Variants in FOXD4 observed in about 807,000 individuals in gnomAD.
FOXD4 encodes forkhead box protein D4.
In FOXD4, 22 loss-of-function variants were observed where a neutral mutation model predicts 26.5. The observed-to-expected ratio is 0.83, with a 90% CI of 0.59 to 1.18. The LOEUF (loss-of-function observed/expected upper bound fraction) is 1.18, where lower values mean the gene tolerates loss of function less well. Among genes scored for constraint, FOXD4 ranks in the 50% most tolerant of loss-of-function variants. FOXD4 has a pLI of 0.00. For synonymous variants in FOXD4, 258 were observed against 273.7 expected (o/e 0.94, Z 0.57); for missense variants, 625 against 605.8 (o/e 1.03, Z -0.33).
In FOXD4 at chr9:118,113, A is replaced by G. The variant is rs776991627; in HGVS notation, c.7T>C (p.Leu3=). Residue 3 remains leucine, a synonymous_variant, in exon 1 of 1, where the codon TTG becomes CTG. Transcript: ENST00000382500. MN[L]PRAERLRSTP... is the part of the protein sequence containing the mutation. ...GAGCGAAGGCGCTCAGCTCTTGGCA[A>G]GTTCATGGCGGAGCAGGTGCTTCAG... 3.0e-5 allele frequency: 48 copies of G among 1,611,692 alleles called. No homozygotes were observed. Among genetic ancestry groups the G allele is most frequent in the Non-Finnish European group, 4.0e-5 (47 of 1,179,696 alleles).
Position 116,650 on chromosome 9 carries a change from A to C in FOXD4, c.*150T>G. On this transcript the variant is annotated 3_prime_UTR_variant, in exon 1 of 1. Coordinates refer to ENST00000382500, the MANE Select transcript of FOXD4 (RefSeq NM_207305.5). ...AAGGTTACGTTCAGGTGGTTTTTAG[A>C]GGAACGTAATCCAGCTGTTTCTTTC... 3 of 1,299,768 alleles carry C rather than the reference A, an allele frequency of 2.3e-6. No homozygotes were observed. Among genetic ancestry groups the C allele is most frequent in the Admixed American group, 2.3e-5 (1 of 43,208 alleles). The allele number at this position is 1,299,768 out of a possible 1,614,324, so 80.5% of individuals were successfully genotyped here.
rs767889814 is a variant in FOXD4, at chr9:116,787, C to T, written c.*13G>A. On this transcript the variant is annotated 3_prime_UTR_variant, in exon 1 of 1. Transcript: ENST00000382500. ...GTGAGCAGCTGCGGGTCGCTCCCCACTCCCACCTGGCTCTAGGAGGGCCCT... is the reference window on the plus strand; with the variant it reads ...GTGAGCAGCTGCGGGTCGCTCCCCATTCCCACCTGGCTCTAGGAGGGCCCT... The T allele has an allele frequency of 3.0e-5, 47 of 1,582,766 alleles. No individual in the cohort carries two copies. Among genetic ancestry groups the T allele is most frequent in the Non-Finnish European group, 3.7e-5 (43 of 1,164,764 alleles).
rs1819425890 is a variant in FOXD4 at position 118,142 on chromosome 9, C to CA, written c.-24dup. 1 of 1,609,114 alleles carries CA rather than the reference C, an allele frequency of 6.2e-7. No homozygotes were observed. The highest frequency in any genetic ancestry group is 1.3e-5 in the African/African-American group (1 of 74,166). ...CATGGCGGAGCAGGTGCTTCAGTCG[C>CA]AGGGGATGTGGCGGCCGGATCACCT... On this transcript the variant is annotated 5_prime_UTR_variant, in exon 1 of 1. Coordinates refer to ENST00000382500, the MANE Select transcript of FOXD4 (RefSeq NM_207305.5).
In FOXD4 at chr9:116,899, C is replaced by A; in HGVS notation, c.1221G>T (p.Leu407=). The A allele has an allele frequency of 6.2e-7, 1 of 1,610,862 alleles. No individual in the cohort carries two copies. Among genetic ancestry groups the A allele is most frequent in the Non-Finnish European group, 8.5e-7 (1 of 1,179,120 alleles). Reference sequence around the variant, plus strand: ...CGCCCAAAGGGGCGGCCAGCGATGTCAGCCCAGAGCCCTCTGCCACCGCCT... The same window carrying A: ...CGCCCAAAGGGGCGGCCAGCGATGTAAGCCCAGAGCCCTCTGCCACCGCCT... ...RYQAVAEGSG[L]TSLAAPLGGE... Residue 407 remains leucine (L), a synonymous_variant, in exon 1 of 1, where the codon CTG becomes CTT. Transcript: ENST00000382500.
chr9:117,817 C>A lies in FOXD4; in HGVS notation c.303G>T (p.Gln101His), dbSNP rs1388743659. The A allele has an allele frequency of 6.2e-7, 1 of 1,612,862 alleles. No individual in the cohort carries two copies. Among genetic ancestry groups the A allele is most frequent in the South Asian group, 1.1e-5 (1 of 91,028 alleles). ...RSAAASEDAR[Q>H]PAKPPSSYIA... Reference sequence around the variant, plus strand: ...TGTACGAGGAGGGGGGCTTTGCCGGCTGCCGGGCATCTTCAGAGGCCGCCG... The same window carrying A: ...TGTACGAGGAGGGGGGCTTTGCCGGATGCCGGGCATCTTCAGAGGCCGCCG... The change falls in exon 1 of 1, where the codon CAG (glutamine) becomes CAT (histidine). Residue 101 changes from glutamine (Q) to histidine (H), a missense_variant. Transcript: ENST00000382500.
At position 117,656 on chromosome 9, in the gene FOXD4, T is replaced by C. The variant is rs966331595; in HGVS notation, c.464A>G (p.Asn155Ser). Residue 155 changes from asparagine to serine, a missense_variant, in exon 1 of 1, where the codon AAC becomes AGC. Physicochemically the swap from Asn to Ser is conservative, Grantham distance 46. Transcript: ENST00000382500. Reference sequence around the variant, plus strand: ...GACGAAGCAGTCGTTCAGCGAGAGGTTGTGGCGGATGCTGTTCTGCCAGGC... The same window carrying C: ...GACGAAGCAGTCGTTCAGCGAGAGGCTGTGGCGGATGCTGTTCTGCCAGGC... ...FPAWQNSIRH[N>S]LSLNDCFVKI... is the part of the protein sequence containing the mutation. The C allele has an allele frequency of 5.0e-6, 8 of 1,613,220 alleles. No homozygotes were observed. The highest frequency in any genetic ancestry group is 1.7e-4 in the Middle Eastern group (1 of 5,770).
rs1819402566 is a variant in FOXD4, at chr9:117,655, G to T, written c.465C>A (p.Asn155Lys). 5 of 1,613,760 alleles carry T rather than the reference G, an allele frequency of 3.1e-6. No homozygotes were observed. The highest frequency in any genetic ancestry group is 4.2e-6 in the Non-Finnish European group (5 of 1,179,984). ...TGACGAAGCAGTCGTTCAGCGAGAGGTTGTGGCGGATGCTGTTCTGCCAGG... is the reference window on the plus strand; with the variant it reads ...TGACGAAGCAGTCGTTCAGCGAGAGTTTGTGGCGGATGCTGTTCTGCCAGG... ...FPAWQNSIRH[N>K]LSLNDCFVKI... Residue 155 changes from asparagine to lysine, a missense_variant, in exon 1 of 1, where the codon AAC (asparagine) becomes AAA (lysine). Physicochemically the swap from Asn to Lys is moderately conservative, Grantham distance 94. Around this residue, in one of 3 missense-constraint regions of FOXD4, gnomAD observed 399 missense variants for 329.4 expected, o/e 1.21. Transcript: ENST00000382500.
chr9:118,272 G>A lies in FOXD4; in HGVS notation c.-153C>T, dbSNP rs967475664. 8 of 1,521,550 alleles carry A rather than the reference G, an allele frequency of 5.3e-6. No individual in the cohort carries two copies. The Admixed American group carries it at 9.5e-5, about 18-fold the overall frequency. The allele number at this position is 1,521,550 out of a possible 1,614,324, so 94.3% of individuals were successfully genotyped here. A position where few individuals can be genotyped will look rare whatever the true frequency, so the allele number is the denominator to read the frequency against. ...TTCCTCTGCTTGTTTCTACGCCTTT[G>A]CAACAACGTCCGGCAAAGATGCCTT... On this transcript the variant is annotated 5_prime_UTR_variant, in exon 1 of 1. Transcript: ENST00000382500.
Position 117,112 on chromosome 9 carries a change from C to A in FOXD4, c.1008G>T (p.Gly336=). The change falls in exon 1 of 1, where the codon GGG becomes GGT. Residue 336 remains glycine, a synonymous_variant. Transcript: ENST00000382500. ...SCKGSGERVQ[G]LRRVCPRPRG... ...GCGGTCGGGGACAAACTCTGCGCAG[C>A]CCCTGTACCCGCTCCCCTGACCCCT... 3 of 1,611,960 alleles carry A rather than the reference C, an allele frequency of 1.9e-6. No homozygotes were observed. The highest frequency in any genetic ancestry group is 2.5e-6 in the Non-Finnish European group (3 of 1,179,842).
Position 117,544 on chromosome 9 carries a change from G to A in FOXD4, c.576C>T (p.Ser192=). 1 of 1,612,874 alleles carries A rather than the reference G, an allele frequency of 6.2e-7. No homozygotes were observed. Among genetic ancestry groups the A allele is most frequent in the Non-Finnish European group, 8.5e-7 (1 of 1,180,028 alleles). ...GGAAACGCTTCCTACGCCGGAGAAAGCTGCCATTGTCGAACATGTCCTGGG... is the reference window on the plus strand; with the variant it reads ...GGAAACGCTTCCTACGCCGGAGAAAACTGCCATTGTCGAACATGTCCTGGG... ...PASQDMFDNG[S]FLRRRKRFQR... is the part of the protein sequence containing the mutation. The change falls in exon 1 of 1, where the codon AGC becomes AGT. Residue 192 remains serine, a synonymous_variant. Coordinates refer to ENST00000382500, the MANE Select transcript of FOXD4 (RefSeq NM_207305.5).
Position 117,998 on chromosome 9 carries a change from GCCT to G in FOXD4, c.119_121del (p.Glu40del), listed in dbSNP as rs760889456. On this transcript the variant is annotated inframe_deletion, in exon 1 of 1. Transcript: ENST00000382500. Reference sequence around the variant, plus strand: ...CTGCTCTAGGAACTGCTGGCTCGCCGCCTCCTCCTCGTCTTCATCTTCCTCCTC... The same window carrying G: ...CTGCTCTAGGAACTGCTGGCTCGCCGCCTCCTCGTCTTCATCTTCCTCCTC... 4.4e-4 allele frequency: 703 copies of G among 1,590,756 alleles called. 1 individual carries two copies. The highest frequency in any genetic ancestry group is 1.1e-3 in the South Asian group (103 of 89,798).
At position 117,639 on chromosome 9, in the gene FOXD4, A is replaced by G. The variant is rs753151292; in HGVS notation, c.481T>C (p.Cys161Arg). 6.8e-6 allele frequency: 11 copies of G among 1,613,914 alleles called. No homozygotes were observed. The highest frequency in any genetic ancestry group is 9.3e-6 in the Non-Finnish European group (11 of 1,180,034). The change falls in exon 1 of 1, where the codon TGC becomes CGC. Residue 161 changes from cysteine (C) to arginine (R), a missense_variant. Physicochemically the swap from Cys to Arg is radical, Grantham distance 180 (BLOSUM62 -3). This residue lies in a region of FOXD4 where 399 missense variants were observed against 329.4 expected (regional missense o/e 1.21). Coordinates refer to ENST00000382500, the MANE Select transcript of FOXD4 (RefSeq NM_207305.5). ...GGCTCGCGGGGGATCTTGACGAAGC[A>G]GTCGTTCAGCGAGAGGTTGTGGCGG... Reference protein sequence around the residue: ...SIRHNLSLNDCFVKIPREPGR... With the variant: ...SIRHNLSLNDRFVKIPREPGR...
In FOXD4 at chr9:118,164, A is replaced by T. The variant is rs778898983; in HGVS notation, c.-45T>A. 1 of 1,541,808 alleles carries T rather than the reference A, an allele frequency of 6.5e-7. No individual in the cohort carries two copies. Among genetic ancestry groups the T allele is most frequent in the Non-Finnish European group, 8.7e-7 (1 of 1,146,564 alleles). On this transcript the variant is annotated 5_prime_UTR_variant, in exon 1 of 1. Transcript: ENST00000382500. ...TCGCAGGGGATGTGGCGGCCGGATCACCTGGCCCCGGCGGGCTGAGCTGGA... is the reference window on the plus strand; with the variant it reads ...TCGCAGGGGATGTGGCGGCCGGATCTCCTGGCCCCGGCGGGCTGAGCTGGA...
rs1436088561 is a variant in FOXD4 at position 117,299 on chromosome 9, T to C, written c.821A>G (p.Tyr274Cys). The change falls in exon 1 of 1, where the codon TAT (tyrosine) becomes TGT (cysteine). Residue 274 changes from tyrosine to cysteine, a missense_variant. Tyr to Cys is a radical substitution (Grantham distance 194). Coordinates refer to ENST00000382500, the MANE Select transcript of FOXD4 (RefSeq NM_207305.5). ...TTCTGCTTTCTTCGGTGCCCCGGCATAGGCGGGGGCCGAGAGCAGTAGGTA... is the reference window on the plus strand; with the variant it reads ...TTCTGCTTTCTTCGGTGCCCCGGCACAGGCGGGGGCCGAGAGCAGTAGGTA... ...PRYLLLSAPA[Y>C]AGAPKKAEGA... 5.0e-6 allele frequency: 8 copies of C among 1,602,852 alleles called. No individual in the cohort carries two copies. Among genetic ancestry groups the C allele is most frequent in the South Asian group, 4.4e-5 (4 of 90,990 alleles).
At chr9:117,054 G>A in the FOXD4 span, 1 of 1,611,946 alleles carries the variant, frequency 6.2e-7, no homozygotes, top group Admixed American at 1.7e-5. Flanking sequence ...CGACAGGCTT[G>A]ACGGTCGCTG....
rs756427159 is a variant in FOXD4 at position 117,970 on chromosome 9, C to T, written c.150G>A (p.Ser50=). 3 of 1,611,964 alleles carry T rather than the reference C, an allele frequency of 1.9e-6. No homozygotes were observed. Among genetic ancestry groups the T allele is most frequent in the Non-Finnish European group, 2.5e-6 (3 of 1,179,798 alleles). The change falls in exon 1 of 1, where the codon TCG becomes TCA. Residue 50 remains serine (S), a synonymous_variant. Transcript: ENST00000382500. ...GGGCCACCTGCAGCCCCGGCTGGAG[C>T]GACTGCTCTAGGAACTGCTGGCTCG... The part of the protein sequence containing the change: ...EAASQQFLEQ[S]LQPGLQVARW...
rs754770518 is a variant in FOXD4, at chr9:116,982, T to C, written c.1138A>G (p.Thr380Ala). 2 of 1,611,982 alleles carry C rather than the reference T, an allele frequency of 1.2e-6. No homozygotes were observed. The highest frequency in any genetic ancestry group is 2.2e-5 in the East Asian group (1 of 44,890). ...EEDCANGCAP[T>A]KGAVLGGHLS... ...TGCCCGCCCAGCACCGCGCCCTTGG[T>C]GGGAGCGCAGCCGTTGGCGCAGTCC... The change falls in exon 1 of 1, where the codon ACC (threonine) becomes GCC (alanine). Residue 380 changes from threonine to alanine, a missense_variant. This residue lies in a region of FOXD4 where 134 missense variants were observed against 132.2 expected (regional missense o/e 1.01). Transcript: ENST00000382500.
chr9:117,069 A>G lies in FOXD4; in HGVS notation c.1051T>C (p.Cys351Arg). The change falls in exon 1 of 1, where the codon TGC becomes CGC. Residue 351 changes from cysteine (C) to arginine (R), a missense_variant. This residue lies in a region of FOXD4 where 134 missense variants were observed against 132.2 expected (regional missense o/e 1.01). Coordinates refer to ENST00000382500, the MANE Select transcript of FOXD4 (RefSeq NM_207305.5). ...CGACAGGCTTGACGGTCGCTGGAGC[A>G]GGGGGCAGTAGCTCCACGCGGTCGG... ...CPRPRGATAP[C>R]SSDRQACRTI... 1.2e-6 allele frequency: 2 copies of G among 1,612,032 alleles called. No homozygotes were observed. The highest frequency in any genetic ancestry group is 1.1e-5 in the South Asian group (1 of 90,996).
rs957694320 is a variant in FOXD4, at chr9:117,086, C to A, written c.1034G>T (p.Arg345Leu). 6.2e-7 allele frequency: 1 copy of A among 1,612,024 alleles called. No homozygotes were observed. The highest frequency in any genetic ancestry group is 8.5e-7 in the Non-Finnish European group (1 of 1,179,858). The change falls in exon 1 of 1, where the codon CGT (arginine) becomes CTT (leucine). Residue 345 changes from arginine (R) to leucine (L), a missense_variant. This residue lies in a region of FOXD4 where 134 missense variants were observed against 132.2 expected (regional missense o/e 1.01). Transcript: ENST00000382500. ...GCTGGAGCAGGGGGCAGTAGCTCCA[C>A]GCGGTCGGGGACAAACTCTGCGCAG... ...QGLRRVCPRP[R>L]GATAPCSSDR... is the part of the protein sequence containing the mutation.
Sources: gnomAD v4.1 joint callset for allele counts on GRCh38, gnomAD v4.1.1 for gene constraint, gnomAD v4.1.1 regional missense constraint, MANE v1.5 for transcripts, NCBI Gene and HGNC (gene_info 2026-07-23, HGNC 2026-07-21) for gene names.